MYT1: variants seen among roughly 807,000 people sequenced by gnomAD.
The protein encoded by MYT1 is myelin transcription factor 1, also known as myelin transcription factor I.
MYT1 carries 23 observed loss-of-function variants against 123.0 expected under a neutral mutation model. The ratio of observed to expected loss-of-function variants is 0.19; its 90% CI spans 0.13 to 0.26. The LOEUF is 0.26. Among genes scored for constraint, MYT1 ranks in the 10% least tolerant of loss-of-function variants. The probability of loss-of-function intolerance (pLI) is 1.00; values close to 1 mark genes in which losing one functional copy is unlikely to be tolerated. For missense variants in MYT1, 1,125 were observed against 1,472.5 expected (o/e 0.76, Z 3.86); for synonymous variants, 518 against 575.3 (o/e 0.90, Z 1.43).
rs530572702 is a variant in MYT1 at position 64,223,039 on chromosome 20, C to T, written c.2397-72C>T. ...GCCAGGAGTGGGCACCAGTCTCCCTCGCAGAGCAGGCTCAGCCTGGGGGGC... is the reference window on the plus strand; with the variant it reads ...GCCAGGAGTGGGCACCAGTCTCCCTTGCAGAGCAGGCTCAGCCTGGGGGGC... On this transcript the variant is annotated intron_variant, in intron 14 of 22. Coordinates refer to ENST00000328439, the MANE Select transcript of MYT1 (RefSeq NM_004535.3). 1.8e-5 allele frequency: 29 copies of T among 1,569,218 alleles called. No individual in the cohort carries two copies. In the East Asian group the frequency reaches 4.7e-4, roughly 25 times the overall value.
At chr20:64,230,788 G>A (rs1456726268) in intron 18 of MYT1, among the ~76,000 whole-genome samples, 1 of 152,210 alleles carries the variant, frequency 6.6e-6, no homozygotes, top group African/African-American at 2.4e-5. Flanking sequence ...TGTCCTAAAA[G>A]TTTCTGAGGG....
In MYT1 at chr20:64,168,343, C is replaced by T. The variant is rs1351662705; in HGVS notation, c.-99+3604C>T. 6.6e-6 allele frequency among the ~76,000 whole-genome samples: 1 copy of T among 152,188 alleles called. No individual in the cohort carries two copies. The highest frequency in any genetic ancestry group is 2.4e-5 in the African/African-American group (1 of 41,436). On this transcript the variant is annotated intron_variant, in intron 1 of 22. Transcript: ENST00000328439. This position sits in a 1 kb window ranked among gnomAD's most constrained non-coding sequence, Gnocchi z 6.1. Reference sequence around the variant, plus strand: ...AGATACAAGTGTGGAGTCTTTTCTCCCCAGGGTTAATGCCATTAGGAGCGT... The same window carrying T: ...AGATACAAGTGTGGAGTCTTTTCTCTCCAGGGTTAATGCCATTAGGAGCGT...
intron 1 of MYT1, among the ~76,000 whole-genome samples, chr20:64,173,132 C>G (rs1425736575): frequency 1.3e-5 from 2 of 152,162 alleles, no homozygotes; most frequent in African/African-American, 4.8e-5. Context: ...GTGTTCTACC[C>G]CTTCCCATAC....
At position 64,218,933 on chromosome 20, in the gene MYT1, C is replaced by G. The variant is rs141771297; in HGVS notation, c.1869C>G (p.Ala623=). 271 of 1,613,542 alleles carry G rather than the reference C, an allele frequency of 1.7e-4. No homozygotes were observed. Among genetic ancestry groups the G allele is most frequent in the Non-Finnish European group, 2.3e-4 (266 of 1,180,036 alleles). The part of the protein sequence containing the change: ...AFQCFDYSQD[A]EAAHMAATAI... Reference sequence around the variant, plus strand: ...CAGGCTTTGACTACTCGCAGGACGCCGAGGCTGCACACATGGCTGCCACTG... The same window carrying G: ...CAGGCTTTGACTACTCGCAGGACGCGGAGGCTGCACACATGGCTGCCACTG... The change falls in exon 12 of 23, where the codon GCC becomes GCG. Residue 623 remains alanine (A), a synonymous_variant. Transcript: ENST00000328439. This position sits in a 1 kb window ranked among gnomAD's most constrained non-coding sequence, Gnocchi z 4.0.
intron 3 of MYT1, 106 bp downstream of exon 3, chr20:64,199,022 G>C: frequency 8.3e-7 from 1 of 1,212,096 alleles, no homozygotes. Flanking sequence ...ATGCCCTGGG[G>C]ACCTCAGGCC....
Position 64,208,503 on chromosome 20 carries a change from G to A in MYT1, c.1291+16G>A. 6.4e-7 allele frequency: 1 copy of A among 1,571,046 alleles called. No individual in the cohort carries two copies. Among genetic ancestry groups the A allele is most frequent in the Non-Finnish European group, 8.7e-7 (1 of 1,155,594 alleles). On this transcript the variant is annotated intron_variant, in intron 7 of 22. Coordinates refer to ENST00000328439, the MANE Select transcript of MYT1 (RefSeq NM_004535.3). This position sits in a 1 kb window ranked among gnomAD's most constrained non-coding sequence, Gnocchi z 5.4. ...TACAGTAAAGGTAGGGCTCAGGGGTGGCCTGGCCCTGCAGACTCATCCTTT... is the reference window on the plus strand; with the variant it reads ...TACAGTAAAGGTAGGGCTCAGGGGTAGCCTGGCCCTGCAGACTCATCCTTT...
intron 2 of MYT1, among the ~76,000 whole-genome samples, chr20:64,195,559 C>G (rs1488741929): frequency 1.3e-5 from 2 of 151,978 alleles, no homozygotes; most frequent in African/African-American, 4.8e-5. Context: ...CCACACCCAA[C>G]TAATTTTTGT....
chr20:64,221,694 G>GA (rs1443615991), intron 13 of MYT1, among the ~76,000 whole-genome samples, 199 bp from the exon 14 acceptor site: 1 of 152,148 alleles, frequency 6.6e-6, no homozygotes, highest in Non-Finnish European at 1.5e-5. Flanking sequence ...GCAGGGGAGG[G>GA]ATCCAGCCCC....
intron 1 of MYT1, among the ~76,000 whole-genome samples, chr20:64,173,428 C>T (rs1020156647): frequency 1.8e-4 from 27 of 152,126 alleles, no homozygotes; most frequent in African/African-American, 5.8e-4. Flanking sequence ...GGAGCCCATA[C>T]CCCAGTGCCT....
chr20:64,215,165 TGATCTAA>T (rs1487228869), intron 10 of MYT1, among the ~76,000 whole-genome samples: 1 of 152,242 alleles, frequency 6.6e-6, no homozygotes, highest in African/African-American at 2.4e-5. Flanking sequence ...TTTCCCTCTT[TGATCTAA>T]ATCACCGATA....
intron 5 of MYT1, among the ~76,000 whole-genome samples, chr20:64,205,321 T>C (rs1459974973): frequency 7.2e-6 from 1 of 139,758 alleles, no homozygotes; most frequent in Non-Finnish European, 1.6e-5. Context: ...AGGCAGCGAC[T>C]TCCCACTCTA....
chr20:64,237,503 C>A, intron 21 of MYT1, 113 bp downstream of exon 21: 1 of 801,988 alleles, frequency 1.2e-6, no homozygotes, highest in Non-Finnish European at 2.0e-6. Flanking sequence ...CAGGGCTGAG[C>A]TGACGGACAG....
In MYT1 at chr20:64,166,754, C is replaced by T. The variant is rs1365312879; in HGVS notation, c.-99+2015C>T. On this transcript the variant is annotated intron_variant, in intron 1 of 22. Transcript: ENST00000328439. This position sits in a 1 kb window ranked among gnomAD's most constrained non-coding sequence, Gnocchi z 4.9. The stretch of plus-strand genomic sequence containing the variant: ...GTGGGGAAACACTCTCTGAGATGAC[C>T]CCTTCTAGCCATGTGGGATGCAAAG... 6.6e-6 allele frequency among the ~76,000 whole-genome samples: 1 copy of T among 152,110 alleles called. No individual in the cohort carries two copies. Among genetic ancestry groups the T allele is most frequent in the Non-Finnish European group, 1.5e-5 (1 of 68,022 alleles).
At position 64,210,026 on chromosome 20, in the gene MYT1, G is replaced by A. The variant is rs116648151; in HGVS notation, c.1292-1180G>A. Among the ~76,000 whole-genome samples, 1,085 of 152,330 alleles carry A rather than the reference G, an allele frequency of 7.1e-3. 14 individuals are homozygous for A. The highest frequency in any genetic ancestry group is 0.025 in the African/African-American group (1,034 of 41,572). On this transcript the variant is annotated intron_variant, in intron 7 of 22. Transcript: ENST00000328439. ...ACTTAGGGACAGGTGTCAAGGGCCC[G>A]GGGTGGTTACTAGCCTGGCTGTGGT...
rs33943131 is a variant in MYT1 at position 64,172,741 on chromosome 20, C to CTTTTTT, written c.-99+8020_-99+8025dup. On this transcript the variant is annotated intron_variant, in intron 1 of 22. Coordinates refer to ENST00000328439, the MANE Select transcript of MYT1 (RefSeq NM_004535.3). ...GTGCTGCTGGCTCTGGCCATACCCTCTTTTTTTTTTTTTTTTTTTTTTTGA... is the reference window on the plus strand; with the variant it reads ...GTGCTGCTGGCTCTGGCCATACCCTCTTTTTTTTTTTTTTTTTTTTTTTTTTTTTGA... Among the ~76,000 whole-genome samples the CTTTTTT allele has an allele frequency of 3.0e-3, 283 of 95,546 alleles. 4 individuals are homozygous for CTTTTTT. Among genetic ancestry groups the CTTTTTT allele is most frequent in the Middle Eastern group, 8.3e-3 (1 of 120 alleles). 62.7% of individuals were successfully genotyped at this position (95,546 alleles called of 152,430 possible). A position where few individuals can be genotyped will look rare whatever the true frequency, so the allele number is the denominator to read the frequency against.
chr20:64,212,500 C>T lies in MYT1; in HGVS notation c.1517+362C>T, dbSNP rs73161118. 0.11 allele frequency among the ~76,000 whole-genome samples: 16,032 copies of T among 152,234 alleles called. 984 individuals are homozygous for T. The highest frequency in any genetic ancestry group is 0.14 in the Non-Finnish European group (9,455 of 67,984). ...TCACCCAGTGGTGTTGCTGCCTTAA[C>T]CCTACGAGCTCCCGAGAGAGCAGGG... On this transcript the variant is annotated intron_variant, in intron 9 of 22. Transcript: ENST00000328439. This position sits in a 1 kb window ranked among gnomAD's most constrained non-coding sequence, Gnocchi z 6.8.
Position 64,203,854 on chromosome 20 carries a change from T to C in MYT1, c.87-1181T>C, listed in dbSNP as rs1408297478. On this transcript the variant is annotated intron_variant, in intron 4 of 22. Coordinates refer to ENST00000328439, the MANE Select transcript of MYT1 (RefSeq NM_004535.3). The surrounding 1 kb of genome is among the most constrained non-coding windows in gnomAD (Gnocchi z 5.1). ...CGTTCTTTTCCCCGGGTCCCAGGTATGGGGGCACCAGCCCTTACCTTCCTC... is the reference window on the plus strand; with the variant it reads ...CGTTCTTTTCCCCGGGTCCCAGGTACGGGGGCACCAGCCCTTACCTTCCTC... Among the ~76,000 whole-genome samples, 1 of 152,202 alleles carries C rather than the reference T, an allele frequency of 6.6e-6. No individual in the cohort carries two copies. Among genetic ancestry groups the C allele is most frequent in the Non-Finnish European group, 1.5e-5 (1 of 68,032 alleles).
chr20:64,186,662 G>T lies in MYT1; in HGVS notation c.-98-3401G>T, dbSNP rs1423707204. ...GTGGCAGTGCCCTGTGTGAGCTTTGGGGACCCTTGTTCCCACCACAGAGTG... is the reference window on the plus strand; with the variant it reads ...GTGGCAGTGCCCTGTGTGAGCTTTGTGGACCCTTGTTCCCACCACAGAGTG... On this transcript the variant is annotated intron_variant, in intron 1 of 22. Coordinates refer to ENST00000328439, the MANE Select transcript of MYT1 (RefSeq NM_004535.3). The surrounding 1 kb of genome is among the most constrained non-coding windows in gnomAD (Gnocchi z 4.3). Among the ~76,000 whole-genome samples the T allele has an allele frequency of 6.6e-6, 1 of 152,270 alleles. No homozygotes were observed. The highest frequency in any genetic ancestry group is 1.9e-4 in the East Asian group (1 of 5,196).
chr20:64,207,850 A>G lies in MYT1; in HGVS notation c.654A>G (p.Pro218=), dbSNP rs1465056471. 1.2e-6 allele frequency: 2 copies of G among 1,613,576 alleles called. No individual in the cohort carries two copies. The highest frequency in any genetic ancestry group is 1.7e-6 in the Non-Finnish European group (2 of 1,179,928). ...GTGAAAAGGGCCTCTTCATCCAGCCAGAGGATGCCGAGGAGGTCGTCGAAG... is the reference window on the plus strand; with the variant it reads ...GTGAAAAGGGCCTCTTCATCCAGCCGGAGGATGCCGAGGAGGTCGTCGAAG... The part of the protein sequence containing the change: ...EEGEKGLFIQ[P]EDAEEVVEVT... Residue 218 remains proline (P), a synonymous_variant, in exon 7 of 23, where the codon CCA becomes CCG. Transcript: ENST00000328439.
Sources: gnomAD v4.1 joint callset for allele counts (sites outside exome capture counted in the v4.1 genomes callset) on GRCh38, gnomAD v4.1.1 for gene constraint, Gnocchi (gnomAD v3.1) non-coding constraint, MANE v1.5 for transcripts, NCBI Gene and HGNC (gene_info 2026-07-23, HGNC 2026-07-21) for gene names.